SLC35G1: variants seen among roughly 807,000 people sequenced by gnomAD.
The protein encoded by SLC35G1 is partner of STIM1.
A neutral mutation model predicts 17.1 loss-of-function variants in SLC35G1; 10 were observed. The observed-to-expected ratio is 0.59, with a 90% CI of 0.36 to 0.99. SLC35G1 has a LOEUF of 0.99. SLC35G1 is among the 50% of genes least tolerant of loss of function. The pLI, the probability that SLC35G1 is intolerant of heterozygous loss-of-function variation, is 0.01. For missense variants in SLC35G1, 433 were observed against 468.4 expected (o/e 0.92, Z 0.70); for synonymous variants, 185 against 181.1 (o/e 1.02, Z -0.18).
At chr10:93,909,745 G>T (rs545846991) in exon 3 of SLC35G1, 2 of 152,270 alleles carry the variant, frequency 1.3e-5, no homozygotes, top group African/African-American at 4.8e-5. Context: ...CATAAGTGCA[G>T]AAGAGAATCA....
At position 93,903,140 on chromosome 10, in the gene SLC35G1, G is replaced by C. The variant is rs767659926; in HGVS notation, c.*1650G>C. 3.3e-5 allele frequency: 5 copies of C among 152,132 alleles called. No homozygotes were observed. Among genetic ancestry groups the C allele is most frequent in the Non-Finnish European group, 4.4e-5 (3 of 68,026 alleles). The allele number at this position is 152,132 out of a possible 1,614,324, so 9.4% of individuals were successfully genotyped here. A position where few individuals can be genotyped will look rare whatever the true frequency, so the allele number is the denominator to read the frequency against. On this transcript the variant is annotated 3_prime_UTR_variant, in exon 3 of 3. Coordinates refer to ENST00000427197, the MANE Select transcript of SLC35G1 (RefSeq NM_001134658.3). Reference sequence around the variant, plus strand: ...ATCTTTTCCAATAGTTCCAATGGGGGAATTTTTGGCTTGCTGATTTTATCA... The same window carrying C: ...ATCTTTTCCAATAGTTCCAATGGGGCAATTTTTGGCTTGCTGATTTTATCA...
chr10:93,905,340 G>T (rs923118788), downstream of SLC35G1, among the ~76,000 whole-genome samples: 1 of 152,170 alleles, frequency 6.6e-6, no homozygotes, highest in South Asian at 2.1e-4. Flanking sequence ...ATGGGTGAAG[G>T]TTGGATATAT....
At position 93,895,859 on chromosome 10, in the gene SLC35G1, G is replaced by C. The variant is rs2060324511; in HGVS notation, c.178+1648G>C. On this transcript the variant is annotated intron_variant, in intron 1 of 2. Transcript: ENST00000427197. ...TCTTACACTGAAGCAAGGAGAAGTA[G>C]TTTCTTAGGCCTGTGCCTCACATCC... 2.6e-5 allele frequency among the ~76,000 whole-genome samples: 4 copies of C among 152,282 alleles called. No homozygotes were observed. The South Asian group carries it at 8.3e-4, about 32-fold the overall frequency.
chr10:93,896,531 A>G (rs7913342), intron 1 of SLC35G1, among the ~76,000 whole-genome samples: 77,922 of 152,080 alleles, frequency 0.51, 20,486 homozygotes, highest in East Asian at 0.84. Flanking sequence ...TATGCTAGTC[A>G]TGCTCATCTC....
chr10:93,906,038 G>A (rs937471008), downstream of SLC35G1, among the ~76,000 whole-genome samples: 4 of 152,114 alleles, frequency 2.6e-5, no homozygotes, highest in Non-Finnish European at 4.4e-5. Context: ...TGTTCTTACC[G>A]CTGTTCCAAG....
Position 93,901,120 on chromosome 10 carries a change from G to A in SLC35G1, c.728G>A (p.Arg243Lys). 6.2e-7 allele frequency: 1 copy of A among 1,614,058 alleles called. No homozygotes were observed. The highest frequency in any genetic ancestry group is 8.5e-7 in the Non-Finnish European group (1 of 1,179,946). ...VFAASTLVIL[R>K]KMGKSVDYFL... ...GCTGCATCGACTCTAGTTATCCTAA[G>A]AAAAATGGGAAAATCTGTGGACTAC... is the stretch of plus-strand genomic sequence containing the variant. The change falls in exon 3 of 3, where the codon AGA (arginine) becomes AAA (lysine). Residue 243 changes from arginine (R) to lysine (K), a missense_variant. Coordinates refer to ENST00000427197, the MANE Select transcript of SLC35G1 (RefSeq NM_001134658.3).
At chr10:93,898,919 T>A (rs112043312) in intron 2 of SLC35G1, among the ~76,000 whole-genome samples, 168 bp downstream of exon 2, 75 of 152,346 alleles carry the variant, frequency 4.9e-4, no homozygotes, top group African/African-American at 1.7e-3. Context: ...CAGAAGATTC[T>A]ACCATGAGCA....
Position 93,898,738 on chromosome 10 carries a change from T to G in SLC35G1, c.346T>G (p.Leu116Val), listed in dbSNP as rs1354370838. The change falls in exon 2 of 3, where the codon TTA becomes GTA. Residue 116 changes from leucine (L) to valine (V), a missense_variant. Coordinates refer to ENST00000427197, the MANE Select transcript of SLC35G1 (RefSeq NM_001134658.3). ...VFQMLVVIPC[L>V]IYRKTGFIGP... ...CCAAATGCTAGTTGTTATCCCTTGC[T>G]TAATATACAGAAAGTAAGTATTTTT... 6.2e-7 allele frequency: 1 copy of G among 1,601,202 alleles called. No individual in the cohort carries two copies. The highest frequency in any genetic ancestry group is 1.4e-5 in the African/African-American group (1 of 73,672).
Position 93,901,703 on chromosome 10 carries a change from T to A in SLC35G1, c.*213T>A. 2.3e-6 allele frequency: 1 copy of A among 441,100 alleles called. No homozygotes were observed. The highest frequency in any genetic ancestry group is 3.6e-6 in the Non-Finnish European group (1 of 278,512). 27.3% of individuals were successfully genotyped at this position (441,100 alleles called of 1,614,324 possible). A position where few individuals can be genotyped will look rare whatever the true frequency, so the allele number is the denominator to read the frequency against. On this transcript the variant is annotated 3_prime_UTR_variant, in exon 3 of 3. Transcript: ENST00000427197. ...TTGGTAGCTTTGGTTTTGGTTTTGG[T>A]TTTTTTTGTTGTTGTTGTTGGGGTC...
Position 93,900,877 on chromosome 10 carries a change from T to G in SLC35G1, c.485T>G (p.Ile162Ser). ...QTMSLADATV[I>S]TFSSPVFTSI... ...ATGTCCCTCGCTGATGCCACAGTTATCACGTTTAGCAGTCCAGTGTTTACG... is the reference window on the plus strand; with the variant it reads ...ATGTCCCTCGCTGATGCCACAGTTAGCACGTTTAGCAGTCCAGTGTTTACG... Residue 162 changes from isoleucine to serine, a missense_variant, in exon 3 of 3, where the codon ATC becomes AGC. By Grantham distance (142) the Ile-to-Ser change is moderately radical (BLOSUM62 -2). Transcript: ENST00000427197. The G allele has an allele frequency of 1.2e-6, 2 of 1,614,126 alleles. No homozygotes were observed. Among genetic ancestry groups the G allele is most frequent in the Non-Finnish European group, 1.7e-6 (2 of 1,179,994 alleles).
intron 1 of SLC35G1, among the ~76,000 whole-genome samples, chr10:93,895,874 G>A (rs1263086341): frequency 6.6e-6 from 1 of 152,142 alleles, no homozygotes; most frequent in Non-Finnish European, 1.5e-5. Flanking sequence ...TTAGGCCTGT[G>A]CCTCACATCC....
intron 1 of SLC35G1, among the ~76,000 whole-genome samples, chr10:93,897,180 C>T (rs1387002882): frequency 6.6e-6 from 1 of 152,110 alleles, no homozygotes; most frequent in Non-Finnish European, 1.5e-5. Context: ...AGCTGTGCAC[C>T]TAGAACAGGA....
intron 2 of SLC35G1, among the ~76,000 whole-genome samples, chr10:93,899,109 T>C (rs2060357920): frequency 6.6e-6 from 1 of 152,250 alleles, no homozygotes. Flanking sequence ...TAGTGTATCC[T>C]AGTATCAGAA....
Position 93,901,101 on chromosome 10 carries a change from T to A in SLC35G1, c.709T>A (p.Ser237Thr). The stretch of plus-strand genomic sequence containing the variant: ...AATTGGAAGTGCCGTATTTGCTGCA[T>A]CGACTCTAGTTATCCTAAGAAAAAT... The part of the protein sequence containing the change: ...AAIGSAVFAA[S>T]TLVILRKMGK... Residue 237 changes from serine (S) to threonine (T), a missense_variant, in exon 3 of 3, where the codon TCG becomes ACG. Ser to Thr is a moderately conservative substitution (Grantham distance 58). Transcript: ENST00000427197. 1 of 1,614,110 alleles carries A rather than the reference T, an allele frequency of 6.2e-7. No individual in the cohort carries two copies. Among genetic ancestry groups the A allele is most frequent in the Non-Finnish European group, 8.5e-7 (1 of 1,179,964 alleles).
chr10:93,895,191 C>T (rs934695344), intron 1 of SLC35G1, among the ~76,000 whole-genome samples: 13 of 152,196 alleles, frequency 8.5e-5, no homozygotes, highest in African/African-American at 3.1e-4. Flanking sequence ...TGTTCCTCTC[C>T]TCTCACTGCG....
chr10:93,897,572 T>G (rs905882142), intron 1 of SLC35G1, among the ~76,000 whole-genome samples: 4 of 152,186 alleles, frequency 2.6e-5, no homozygotes, highest in Non-Finnish European at 5.9e-5. Context: ...GACCTTTGTT[T>G]TAGGGCATTC....
rs1350179650 is a variant in SLC35G1, at chr10:93,894,207, G to A, written c.174G>A (p.Glu58=). The A allele has an allele frequency of 7.2e-7, 1 of 1,390,670 alleles. No individual in the cohort carries two copies. The highest frequency in any genetic ancestry group is 9.3e-7 in the Non-Finnish European group (1 of 1,074,470). The allele number at this position is 1,390,670 out of a possible 1,614,324, so 86.1% of individuals were successfully genotyped here. Reference sequence around the variant, plus strand: ...CCTCGCCGTGTTGCTCCCGCACCGAGCCGGGTGAGTGCGCGGTGTGGATCG... The same window carrying A: ...CCTCGCCGTGTTGCTCCCGCACCGAACCGGGTGAGTGCGCGGTGTGGATCG... ...CLSSPCCSRT[E]PEAKKKAPCP... Residue 58 remains glutamate (E), a synonymous_variant, in exon 1 of 3, where the codon GAG becomes GAA. Transcript: ENST00000427197.
intron 1 of SLC35G1, 41 bp from the exon 2 acceptor site, chr10:93,898,530 C>T: frequency 6.4e-7 from 1 of 1,568,772 alleles, no homozygotes; most frequent in South Asian, 1.2e-5. Context: ...ATAACACATA[C>T]ACTTGGAAGC....
Position 93,901,089 on chromosome 10 carries a change from G to T in SLC35G1, c.697G>T (p.Val233Leu). Residue 233 changes from valine to leucine, a missense_variant, in exon 3 of 3, where the codon GTA becomes TTA. Val to Leu is a conservative substitution (Grantham distance 32). Coordinates refer to ENST00000427197, the MANE Select transcript of SLC35G1 (RefSeq NM_001134658.3). ...AACATTCGCAGCAATTGGAAGTGCC[G>T]TATTTGCTGCATCGACTCTAGTTAT... Reference protein sequence around the residue: ...KGTFAAIGSAVFAASTLVILR... With the variant: ...KGTFAAIGSALFAASTLVILR... The T allele has an allele frequency of 1.2e-6, 2 of 1,614,040 alleles. No individual in the cohort carries two copies. The highest frequency in any genetic ancestry group is 1.7e-6 in the Non-Finnish European group (2 of 1,179,912).
Sources: allele counts gnomAD v4.1 joint callset (sites outside exome capture counted in the v4.1 genomes callset), GRCh38; gene constraint gnomAD v4.1.1; transcripts MANE v1.5; gene names NCBI Gene and HGNC (gene_info 2026-07-23, HGNC 2026-07-21).